The following DGLUCY variants were observed in gnomAD, a reference collection of about 807,000 sequenced individuals.
The protein encoded by DGLUCY is D-glutamate cyclase, also known as D-glutamate cyclase, mitochondrial.
In DGLUCY, 58 loss-of-function variants were observed where a neutral mutation model predicts 58.5. The ratio of observed to expected loss-of-function variants is 0.99; its 90% CI spans 0.80 to 1.23. The LOEUF is 1.23. DGLUCY is among the 50% of genes most tolerant of loss of function. DGLUCY has a pLI of 0.00. For missense variants in DGLUCY, 779 were observed against 784.7 expected, an observed-to-expected ratio of 0.99 and a Z score of 0.09; for synonymous variants, 325 against 314.1, an observed-to-expected ratio of 1.03 and a Z score of -0.37.
At chr14:91,195,566 A>T (rs1201135737) in intron 9 of DGLUCY, among the ~76,000 whole-genome samples, 1 of 151,934 alleles carries the variant, frequency 6.6e-6, no homozygotes, top group Non-Finnish European at 1.5e-5. Context: ...AATTGGAGCC[A>T]TGAAACTGAC....
At chr14:91,089,481 AACT>A (rs1176456511) in intron 1 of DGLUCY, among the ~76,000 whole-genome samples, 2 of 152,192 alleles carry the variant, frequency 1.3e-5, no homozygotes, top group Non-Finnish European at 2.9e-5. Context: ...TCGCCTTATA[AACT>A]AGGGTGACCA....
At chr14:91,086,226 A>G (rs991533177) in intron 1 of DGLUCY, among the ~76,000 whole-genome samples, 1 of 152,186 alleles carries the variant, frequency 6.6e-6, no homozygotes, top group Non-Finnish European at 1.5e-5. Flanking sequence ...TATTATGGTG[A>G]GTATAATCAT....
At chr14:91,157,587 G>A (rs748484027) in intron 1 of DGLUCY, 52 bp from the exon 2 acceptor site, 8 of 152,092 alleles carry the variant, frequency 5.3e-5, no homozygotes, top group Non-Finnish European at 1.2e-4. Flanking sequence ...TACTGTGAGT[G>A]GGCATTCTCT....
At position 91,173,399 on chromosome 14, in the gene DGLUCY, C is replaced by T. The variant is rs758724876; in HGVS notation, c.567C>T (p.Leu189=). The T allele has an allele frequency of 2.0e-5, 33 of 1,611,038 alleles. No individual in the cohort carries two copies. Among genetic ancestry groups the T allele is most frequent in the Middle Eastern group, 1.7e-4 (1 of 6,060 alleles). Residue 189 remains leucine, a synonymous_variant, in exon 6 of 14, where the codon CTC becomes CTT. Coordinates refer to ENST00000256324, the MANE Select transcript of DGLUCY (RefSeq NM_001102368.3). ...GGCTGGTGCGGGCCTGCTGCTCCCT[C>T]GGAGGTGAGCAGGGGCAACCTGTTC... ...LEGLVRACCS[L]GGEQGQPVHM...
intron 12 of DGLUCY, among the ~76,000 whole-genome samples, chr14:91,212,374 G>C (rs796600192): frequency 2.6e-5 from 4 of 152,240 alleles, no homozygotes; most frequent in African/African-American, 9.6e-5. Context: ...GCTGGGCTTA[G>C]TGGCATCTCT....
In DGLUCY at chr14:91,102,903, A is replaced by C. The variant is rs373944746; in HGVS notation, c.-82+42199A>C. ...CAGCCTCCCAAGTAGCTGGGATTGC[A>C]GGTACCCCCCATCATGACTGGCTAA... On this transcript the variant is annotated intron_variant, in intron 1 of 4. Transcript: ENST00000521334. 7.9e-5 allele frequency among the ~76,000 whole-genome samples: 12 copies of C among 152,042 alleles called. No individual in the cohort carries two copies. In the East Asian group the frequency reaches 1.7e-3, roughly 22 times the overall value.
chr14:91,107,687 G>C (rs2044615571), upstream of DGLUCY, among the ~76,000 whole-genome samples: 1 of 152,144 alleles, frequency 6.6e-6, no homozygotes, highest in African/African-American at 2.4e-5. Flanking sequence ...CAGACATGAA[G>C]ACCTGCTCTT....
rs112055700 is a variant in DGLUCY, at chr14:91,074,770, T to C, written c.-82+14066T>C. Among the ~76,000 whole-genome samples the C allele has an allele frequency of 4.5e-3, 685 of 152,242 alleles. 5 individuals carry two copies. The highest frequency in any genetic ancestry group is 0.016 in the African/African-American group (650 of 41,558). On this transcript the variant is annotated intron_variant, in intron 1 of 4. Coordinates refer to the DGLUCY transcript ENST00000521334. ...TTATTTTCTCTGAAGAGGCAAAATG[T>C]TTATAAGAATTGCTCTTCTTGGCTG...
chr14:91,158,819 A>G (rs973129615), intron 2 of DGLUCY: 1 of 151,676 alleles, frequency 6.6e-6, no homozygotes, highest in Non-Finnish European at 1.5e-5. Context: ...TTGTTGACAT[A>G]CTAAAACCTA....
intron 9 of DGLUCY, among the ~76,000 whole-genome samples, chr14:91,189,571 G>A (rs2049738800): frequency 6.6e-6 from 1 of 152,188 alleles, no homozygotes; most frequent in Non-Finnish European, 1.5e-5. Context: ...GGTCGTGATG[G>A]GCAGGGCTGC....
At chr14:91,146,054 G>C (rs1466273342) in intron 1 of DGLUCY, among the ~76,000 whole-genome samples, 1 of 152,006 alleles carries the variant, frequency 6.6e-6, no homozygotes. Context: ...GTATATTTTT[G>C]TAGAGACAGG....
chr14:91,166,471 C>G (rs895233377), intron 3 of DGLUCY, among the ~76,000 whole-genome samples: 1 of 152,102 alleles, frequency 6.6e-6, no homozygotes. Context: ...TTGAGACCAA[C>G]CTGGCCACCA....
At chr14:91,103,941 C>T (rs988137890), upstream of DGLUCY, among the ~76,000 whole-genome samples, 2 of 152,040 alleles carry the variant, frequency 1.3e-5, no homozygotes, top group African/African-American at 2.4e-5. Flanking sequence ...TCTCCCTTGC[C>T]TCCCATTCCC....
chr14:91,082,956 C>T (rs2044151948), intron 1 of DGLUCY, among the ~76,000 whole-genome samples: 1 of 152,096 alleles, frequency 6.6e-6, no homozygotes, highest in South Asian at 2.1e-4. Flanking sequence ...GGGGGTCTCA[C>T]TATGTTGCCC....
At chr14:91,104,571 C>G (rs1348783696), upstream of DGLUCY, among the ~76,000 whole-genome samples, 1 of 152,170 alleles carries the variant, frequency 6.6e-6, no homozygotes, top group Non-Finnish European at 1.5e-5. Context: ...TCCTTGATGC[C>G]AAGTTTGAGA....
At chr14:91,173,700 AG>A in intron 6 of DGLUCY, 1 of 387,856 alleles carries the variant, frequency 2.6e-6, no homozygotes, top group Non-Finnish European at 4.6e-6. Flanking sequence ...CAAGGCTCAA[AG>A]GCTCTGGCAG....
At chr14:91,076,863 C>T (rs920861178) in intron 1 of DGLUCY, among the ~76,000 whole-genome samples, 1 of 152,106 alleles carries the variant, frequency 6.6e-6, no homozygotes, top group Non-Finnish European at 1.5e-5. Flanking sequence ...TCCTGTGTTC[C>T]GGGTCACAGT....
chr14:91,165,484 C>T lies in DGLUCY; in HGVS notation c.104-1741C>T, dbSNP rs147693053. 977 of 330,192 alleles carry T rather than the reference C, an allele frequency of 3.0e-3. 5 individuals carry two copies. Among genetic ancestry groups the T allele is most frequent in the Non-Finnish European group, 4.0e-3 (675 of 168,044 alleles). 20.5% of individuals were successfully genotyped at this position (330,192 alleles called of 1,614,324 possible). On this transcript the variant is annotated intron_variant, in intron 3 of 13. Transcript: ENST00000256324. ...CACCAAAGCCAAAGGACTTCCATTG[C>T]GGAGGAAGGCTGGCTGCCCCAGAGG...
At chr14:91,139,689 A>C (rs191471422) in intron 1 of DGLUCY, among the ~76,000 whole-genome samples, 50 of 152,366 alleles carry the variant, frequency 3.3e-4, no homozygotes, top group African/African-American at 1.2e-3. Context: ...TTGTCTCAAA[A>C]AAAATGAAGT....
Sources: gnomAD v4.1 joint callset for allele counts (sites outside exome capture counted in the v4.1 genomes callset) on GRCh38, gnomAD v4.1.1 for gene constraint, MANE v1.5 for transcripts, NCBI Gene and HGNC (gene_info 2026-07-23, HGNC 2026-07-21) for gene names.